ZNF589: variants seen among roughly 807,000 people sequenced by gnomAD.
The protein encoded by ZNF589 is zinc finger protein 589.
A neutral mutation model predicts 13.6 loss-of-function variants in ZNF589; 17 were observed. The ratio of observed to expected loss-of-function variants is 1.25; its 90% CI spans 0.86 to 1.88. The LOEUF (loss-of-function observed/expected upper bound fraction) is 1.88, where lower values mean the gene tolerates loss of function less well. Ranked by LOEUF, ZNF589 falls within the 40% of genes most tolerant of loss-of-function variation. The probability of loss-of-function intolerance (pLI) is 0.00; values close to 1 mark genes in which losing one functional copy is unlikely to be tolerated. For synonymous variants in ZNF589, 148 were observed against 161.6 expected, an observed-to-expected ratio of 0.92 and a Z score of 0.64; for missense variants, 407 against 434.0, an observed-to-expected ratio of 0.94 and a Z score of 0.55.
rs1162954603 is a variant in ZNF589, at chr3:48,270,288, C to G, written c.*1502C>G. 4.4e-6 allele frequency: 2 copies of G among 452,678 alleles called. No homozygotes were observed. The highest frequency in any genetic ancestry group is 1.6e-5 in the South Asian group (1 of 64,274). 28.0% of individuals were successfully genotyped at this position (452,678 alleles called of 1,614,324 possible). A position where few individuals can be genotyped will look rare whatever the true frequency, so the allele number is the denominator to read the frequency against. On this transcript the variant is annotated 3_prime_UTR_variant, in exon 4 of 4. Transcript: ENST00000354698. Reference sequence around the variant, plus strand: ...AAATCCAAGATTCTTTAACCACACTCTAAAAGTTCTTCAGACTCAGGACTT... The same window carrying G: ...AAATCCAAGATTCTTTAACCACACTGTAAAAGTTCTTCAGACTCAGGACTT...
At chr3:48,245,078 A>G (rs2106830407) in intron 1 of ZNF589, among the ~76,000 whole-genome samples, 1 of 152,206 alleles carries the variant, frequency 6.6e-6, no homozygotes, top group East Asian at 1.9e-4. Flanking sequence ...TGCTGGGATT[A>G]TGGGCTTGAG....
chr3:48,251,485 G>T (rs1441449484), intron 2 of ZNF589, among the ~76,000 whole-genome samples: 1 of 151,992 alleles, frequency 6.6e-6, no homozygotes, highest in Non-Finnish European at 1.5e-5. Context: ...ACTTGAACCT[G>T]GGAGGCAGAG....
intron 1 of ZNF589, among the ~76,000 whole-genome samples, chr3:48,242,802 C>A (rs2033713268): frequency 6.6e-6 from 1 of 151,912 alleles, no homozygotes; most frequent in African/African-American, 2.4e-5. Flanking sequence ...CAGTGGCTCA[C>A]GCCTGTAATC....
At chr3:48,256,674 G>T in intron 2 of ZNF589, 1 of 1,360,116 alleles carries the variant, frequency 7.4e-7, no homozygotes, top group Non-Finnish European at 1.1e-6. Context: ...AACTGGCTAA[G>T]CAGCAAAACA....
At chr3:48,244,969 C>T (rs2033744474) in intron 1 of ZNF589, among the ~76,000 whole-genome samples, 1 of 152,092 alleles carries the variant, frequency 6.6e-6, no homozygotes. Context: ...CATGCGCCAC[C>T]ACACCTGGCT....
At chr3:48,255,518 A>C in intron 2 of ZNF589, among the ~76,000 whole-genome samples, 1 of 114,826 alleles carries the variant, frequency 8.7e-6, no homozygotes, top group African/African-American at 3.5e-5. Context: ...TTTTTGAGAC[A>C]AAGTCTCGCT....
chr3:48,257,155 A>C (rs2033912514), intron 2 of ZNF589: 1 of 389,810 alleles, frequency 2.6e-6, no homozygotes, highest in South Asian at 2.0e-5. Flanking sequence ...TATTAGGATA[A>C]TGCTGGATTC....
intron 2 of ZNF589, among the ~76,000 whole-genome samples, chr3:48,251,225 A>G (rs1479904317): frequency 2.6e-5 from 4 of 152,166 alleles, no homozygotes; most frequent in Non-Finnish European, 4.4e-5. Context: ...AGCCTTGAGC[A>G]GAGGAACCTA....
rs1019726871 is a variant in ZNF589, at chr3:48,241,224, G to T, written c.43+10G>T. 6 of 1,611,022 alleles carry T rather than the reference G, an allele frequency of 3.7e-6. No individual in the cohort carries two copies. Among genetic ancestry groups the T allele is most frequent in the Non-Finnish European group, 5.1e-6 (6 of 1,179,404 alleles). ...GGCTGGACTGCGGAAGGTGAGTCGG[G>T]GCCGCGAGATCGCCTCCCCCATTCG... On this transcript the variant is annotated intron_variant, in intron 1 of 3. Transcript: ENST00000354698.
At chr3:48,245,877 G>C (rs140300210) in intron 1 of ZNF589, among the ~76,000 whole-genome samples, 2,172 of 152,008 alleles carry the variant, frequency 0.014, 30 homozygotes, top group Non-Finnish European at 0.021. Context: ...AACCCAGGAG[G>C]CGGAGGTTGC....
In ZNF589 at chr3:48,264,902, T is replaced by G. The variant is rs536924137; in HGVS notation, c.224-3013T>G. Among the ~76,000 whole-genome samples the G allele has an allele frequency of 1.9e-4, 29 of 152,348 alleles. No individual in the cohort carries two copies. The South Asian group carries it at 6.0e-3, about 32-fold the overall frequency. ...CACTCCCATTCCATTCTTCTGTTCC[T>G]GCTTCTAGGGCAGAACTCTGTGGTT... On this transcript the variant is annotated intron_variant, in intron 3 of 3. Transcript: ENST00000354698.
Position 48,267,919 on chromosome 3 carries a change from A to T in ZNF589, c.228A>T (p.Glu76Asp). 6.2e-7 allele frequency: 1 copy of T among 1,604,976 alleles called. No homozygotes were observed. The highest frequency in any genetic ancestry group is 8.5e-7 in the Non-Finnish European group (1 of 1,177,792). ...CTGGAAACTTTCTTTCTTCAGCAGA[A>T]TCAAAGCCAGAAGTCCATACCTGCC... ...ENLRNLVSLAESKPEVHTCPS... is the reference protein window; with the variant it reads ...ENLRNLVSLADSKPEVHTCPS... The change falls in exon 4 of 4, where the codon GAA (glutamate) becomes GAT (aspartate). Residue 76 changes from glutamate (E) to aspartate (D), a missense_variant. By Grantham distance (45) the Glu-to-Asp change is conservative. Transcript: ENST00000354698.
rs375870007 is a variant in ZNF589 at position 48,268,353 on chromosome 3, C to T, written c.662C>T (p.Ala221Val). ...GGAGCAGTCACGTTTGGGGAGTGTG[C>T]ACTAGCTTTTAACCAGAAGTCAAAC... Reference protein sequence around the residue: ...GFGAVTFGECALAFNQKSNLF... With the variant: ...GFGAVTFGECVLAFNQKSNLF... Residue 221 changes from alanine (A) to valine (V), a missense_variant, in exon 4 of 4, where the codon GCA becomes GTA. By Grantham distance (64) the Ala-to-Val change is moderately conservative. Coordinates refer to ENST00000354698, the MANE Select transcript of ZNF589 (RefSeq NM_016089.3). 1.2e-6 allele frequency: 2 copies of T among 1,614,168 alleles called. No individual in the cohort carries two copies. The highest frequency in any genetic ancestry group is 1.1e-5 in the South Asian group (1 of 91,078).
intron 3 of ZNF589, among the ~76,000 whole-genome samples, chr3:48,264,816 C>T (rs2034002767): frequency 6.6e-6 from 1 of 150,794 alleles, no homozygotes; most frequent in African/African-American, 2.5e-5. Flanking sequence ...GCAACAGAGA[C>T]TCTGTCTCAA....
intron 2 of ZNF589, among the ~76,000 whole-genome samples, chr3:48,260,474 T>A (rs903265911): frequency 6.6e-6 from 1 of 152,110 alleles, no homozygotes; most frequent in African/African-American, 2.4e-5. Flanking sequence ...AATGGAGTGA[T>A]CTTGGTTTAC....
chr3:48,255,635 A>G (rs952792755), intron 2 of ZNF589, among the ~76,000 whole-genome samples: 2 of 151,930 alleles, frequency 1.3e-5, no homozygotes, highest in African/African-American at 2.4e-5. Context: ...CCGGTATTAC[A>G]GGTGCTACCA....
chr3:48,255,021 G>A (rs953982085), intron 2 of ZNF589, among the ~76,000 whole-genome samples: 1 of 152,132 alleles, frequency 6.6e-6, no homozygotes, highest in Non-Finnish European at 1.5e-5. Flanking sequence ...TTGAACAGGA[G>A]TGGTGAGAGA....
chr3:48,254,163 G>A (rs1466570845), intron 2 of ZNF589, among the ~76,000 whole-genome samples: 5 of 152,160 alleles, frequency 3.3e-5, no homozygotes, highest in Non-Finnish European at 7.4e-5. Context: ...GGCTGAGGCA[G>A]GAGAATTGCT....
intron 2 of ZNF589, among the ~76,000 whole-genome samples, chr3:48,248,984 G>C (rs894688130): frequency 1.3e-5 from 2 of 152,212 alleles, no homozygotes; most frequent in African/African-American, 4.8e-5. Flanking sequence ...CCAGGCCATA[G>C]GGGCCAAGCT....
Sources: gnomAD v4.1 joint callset for allele counts (sites outside exome capture counted in the v4.1 genomes callset) on GRCh38, gnomAD v4.1.1 for gene constraint, MANE v1.5 for transcripts, NCBI Gene and HGNC (gene_info 2026-07-23, HGNC 2026-07-21) for gene names.